The following RGS6 variants were observed in gnomAD, a reference collection of about 807,000 sequenced individuals.
RGS6 encodes the protein regulator of G-protein signaling 6.
A neutral mutation model predicts 78.5 loss-of-function variants in RGS6; 30 were observed. The observed-to-expected ratio is 0.38, with a 90% CI of 0.29 to 0.52. The LOEUF (loss-of-function observed/expected upper bound fraction) is 0.52. Among genes scored for constraint, RGS6 ranks in the 20% least tolerant of loss-of-function variants. The pLI is 0.85. For missense variants in RGS6, 495 were observed against 609.7 expected, an observed-to-expected ratio of 0.81 and a Z score of 1.98; for synonymous variants, 206 against 206.0, an observed-to-expected ratio of 1.00 and a Z score of 0.00.
chr14:72,355,125 A>C (rs1455862705), intron 3 of RGS6, among the ~76,000 whole-genome samples: 1 of 151,966 alleles, frequency 6.6e-6, no homozygotes, highest in Non-Finnish European at 1.5e-5. Context: ...TCTTTGAAAA[A>C]TAATTGTCCC....
chr14:71,980,315 T>C (rs1365063342), intron 2 of RGS6, among the ~76,000 whole-genome samples: 1 of 141,518 alleles, frequency 7.1e-6, no homozygotes, highest in Non-Finnish European at 1.5e-5. Context: ...TGATGTTAGC[T>C]GGTGATTTTG....
chr14:72,238,478 C>T (rs2051788629), intron 2 of RGS6, among the ~76,000 whole-genome samples: 1 of 152,190 alleles, frequency 6.6e-6, no homozygotes, highest in Non-Finnish European at 1.5e-5. Flanking sequence ...CCTCCCTTCC[C>T]CCCAAGCATT....
intron 3 of RGS6, among the ~76,000 whole-genome samples, chr14:72,399,222 G>A (rs530280604): frequency 1.2e-4 from 18 of 151,206 alleles, no homozygotes; most frequent in East Asian, 9.8e-4. Context: ...CTCCTGTATT[G>A]GGTGCATATA....
intron 2 of RGS6, among the ~76,000 whole-genome samples, chr14:72,295,195 G>A (rs1452979573): frequency 2.0e-5 from 3 of 150,782 alleles, no homozygotes; most frequent in African/African-American, 7.3e-5. Context: ...GGAGGCTGAG[G>A]CAGGAGAATG....
chr14:72,395,440 C>T (rs1423996408), intron 3 of RGS6, among the ~76,000 whole-genome samples: 1 of 152,084 alleles, frequency 6.6e-6, no homozygotes, highest in Non-Finnish European at 1.5e-5. Context: ...AATACATATT[C>T]AGATCCACTG....
chr14:72,151,736 T>C (rs2096691302), intron 2 of RGS6, among the ~76,000 whole-genome samples: 1 of 152,118 alleles, frequency 6.6e-6, no homozygotes, highest in Non-Finnish European at 1.5e-5. Context: ...ATTTTTATTC[T>C]CCTAAAAAGG....
intron 2 of RGS6, among the ~76,000 whole-genome samples, chr14:72,046,718 T>G (rs1018225299): frequency 3.3e-5 from 5 of 152,134 alleles, no homozygotes; most frequent in African/African-American, 7.2e-5. Context: ...TATATTAGCA[T>G]TAGAAGTATT....
At chr14:72,330,653 C>A (rs2239249) in intron 2 of RGS6, among the ~76,000 whole-genome samples, 2 of 151,958 alleles carry the variant, frequency 1.3e-5, no homozygotes, top group Admixed American at 6.5e-5. Context: ...GTTAGTGACA[C>A]GATATTTCAT....
chr14:72,335,490 C>T (rs1044289987), intron 2 of RGS6, among the ~76,000 whole-genome samples: 2 of 152,180 alleles, frequency 1.3e-5, no homozygotes, highest in East Asian at 1.9e-4. Context: ...CTCCCAGGGA[C>T]AGGGCATTGG....
intron 2 of RGS6, among the ~76,000 whole-genome samples, chr14:71,971,459 T>C (rs560557251): frequency 6.6e-6 from 1 of 152,088 alleles, no homozygotes; most frequent in Admixed American, 6.5e-5. Context: ...TGTCTACTCA[T>C]CCTTTTGGGC....
intron 2 of RGS6, among the ~76,000 whole-genome samples, chr14:72,211,326 T>C (rs2044096864): frequency 6.6e-6 from 1 of 152,172 alleles, no homozygotes; most frequent in Non-Finnish European, 1.5e-5. Flanking sequence ...AAATATGTCT[T>C]GAATTTAGAG....
At chr14:72,237,476 C>T (rs1002118233) in intron 2 of RGS6, among the ~76,000 whole-genome samples, 2 of 152,268 alleles carry the variant, frequency 1.3e-5, no homozygotes, top group African/African-American at 2.4e-5. Flanking sequence ...GTACACCAGA[C>T]GTTTTCTTCC....
intron 2 of RGS6, among the ~76,000 whole-genome samples, chr14:72,301,835 C>G (rs1299718378): frequency 3.9e-5 from 6 of 152,168 alleles, no homozygotes; most frequent in African/African-American, 1.4e-4. Context: ...TCCACTCACA[C>G]TGGATTAGGG....
At chr14:72,059,595 T>G (rs2153432114) in intron 2 of RGS6, among the ~76,000 whole-genome samples, 1 of 152,308 alleles carries the variant, frequency 6.6e-6, no homozygotes, top group Middle Eastern at 3.4e-3. Context: ...AAGGCATGTG[T>G]TACCTCTTGT....
chr14:72,328,136 C>A (rs1286585213), intron 2 of RGS6, among the ~76,000 whole-genome samples: 1 of 152,114 alleles, frequency 6.6e-6, no homozygotes, highest in Admixed American at 6.5e-5. Flanking sequence ...TACCCCTCCT[C>A]CTTCTTTTTG....
chr14:72,260,818 A>G (rs921301207), intron 2 of RGS6, among the ~76,000 whole-genome samples: 35 of 152,232 alleles, frequency 2.3e-4, no homozygotes, highest in African/African-American at 8.4e-4. Flanking sequence ...CAAAGTTGCT[A>G]GAGCAGCCTG....
intron 3 of RGS6, among the ~76,000 whole-genome samples, chr14:72,408,796 T>C (rs2093164839): frequency 6.6e-6 from 1 of 152,164 alleles, no homozygotes; most frequent in African/African-American, 2.4e-5. Flanking sequence ...GGCAAGCTTA[T>C]TGAACTAGTT....
chr14:72,427,250 T>A lies in RGS6; in HGVS notation c.185-27278T>A, dbSNP rs150334229. ...TTACATAACTTTTCTTACAGTATATTGCTATGATTTTTCTCTTATTAGTTG... is the reference window on the plus strand; with the variant it reads ...TTACATAACTTTTCTTACAGTATATAGCTATGATTTTTCTCTTATTAGTTG... On this transcript the variant is annotated intron_variant, in intron 3 of 17. Transcript: ENST00000553525. Among the ~76,000 whole-genome samples, 1,275 of 152,346 alleles carry A rather than the reference T, an allele frequency of 8.4e-3. 9 individuals are homozygous for A. The highest frequency in any genetic ancestry group is 0.037 in the Middle Eastern group (11 of 294).
At chr14:71,964,452 G>C (rs756091028) in intron 1 of RGS6, among the ~76,000 whole-genome samples, 1 of 152,190 alleles carries the variant, frequency 6.6e-6, no homozygotes, top group Non-Finnish European at 1.5e-5. Context: ...GTTTCAGAGA[G>C]CTGAGATCGC....
Sources: gnomAD v4.1 joint callset for allele counts (sites outside exome capture counted in the v4.1 genomes callset) on GRCh38, gnomAD v4.1.1 for gene constraint, MANE v1.5 for transcripts, NCBI Gene and HGNC (gene_info 2026-07-23, HGNC 2026-07-21) for gene names.